The following NCF2 variants were observed in gnomAD, a reference collection of about 807,000 sequenced individuals.
NCF2 encodes neutrophil cytosolic factor 2, also known as neutrophil cytosol factor 2.
In NCF2, 45 loss-of-function variants were observed where a neutral mutation model predicts 70.9. That is an observed-to-expected ratio of 0.63 (90% CI 0.50 to 0.81). The LOEUF (loss-of-function observed/expected upper bound fraction) is 0.81, where lower values mean the gene tolerates loss of function less well. NCF2 is among the 40% of genes least tolerant of loss of function. The probability of loss-of-function intolerance (pLI) is 0.00; values close to 1 mark genes in which losing one functional copy is unlikely to be tolerated. For synonymous variants in NCF2, 203 were observed against 233.6 expected, an observed-to-expected ratio of 0.87 and a Z score of 1.19; for missense variants, 522 against 631.6, an observed-to-expected ratio of 0.83 and a Z score of 1.86.
rs568954675 is a variant in NCF2, at chr1:183,585,822, C to T, written c.257+1073G>A. ...GAGAGGGAGGAGGAATTGAGATTAA[C>T]TTTCATTTTGAATTTATTAATCTTT... On this transcript the variant is annotated intron_variant, in intron 2 of 14. Transcript: ENST00000367535. Among the ~76,000 whole-genome samples the T allele has an allele frequency of 7.9e-5, 12 of 152,248 alleles. No homozygotes were observed. In the South Asian group the frequency reaches 2.5e-3, roughly 32 times the overall value.
At position 183,563,180 on chromosome 1, in the gene NCF2, C is replaced by T. The variant is rs1451404544; in HGVS notation, c.1290+15G>A. 5 of 1,610,482 alleles carry T rather than the reference C, an allele frequency of 3.1e-6. No homozygotes were observed. The Admixed American group carries it at 8.3e-5, about 27-fold the overall frequency. ...CAGTGGAAATGTAACTTTAGATGCC[C>T]CTCATTGCACTCACCACTGTGTTCT... On this transcript the variant is annotated intron_variant, in intron 13 of 14. Transcript: ENST00000367535.
At chr1:183,600,078 T>A in the NCF2 span, among the ~76,000 whole-genome samples, 3 of 152,192 alleles carry the variant, frequency 2.0e-5, no homozygotes, top group Non-Finnish European at 2.9e-5. Context: ...AGAGAGAGTA[T>A]CAACATGTAC....
Position 183,561,188 on chromosome 1 carries a change from C to T in NCF2, c.1291-915G>A, listed in dbSNP as rs571709075. ...GCTTCACAAATGAAGGAGAAGGATGCGGTTTCTACAGATGTGAATCATAGA... is the reference window on the plus strand; with the variant it reads ...GCTTCACAAATGAAGGAGAAGGATGTGGTTTCTACAGATGTGAATCATAGA... On this transcript the variant is annotated intron_variant, in intron 13 of 14. Coordinates refer to ENST00000367535, the MANE Select transcript of NCF2 (RefSeq NM_000433.4). Among the ~76,000 whole-genome samples the T allele has an allele frequency of 3.9e-5, 6 of 152,312 alleles. No individual in the cohort carries two copies. The East Asian group carries it at 5.8e-4, about 15-fold the overall frequency.
chr1:183,595,581 G>A (rs186915491), upstream of NCF2, among the ~76,000 whole-genome samples: 91 of 152,232 alleles, frequency 6.0e-4, no homozygotes, highest in Admixed American at 1.1e-3. Context: ...AGACTTGACG[G>A]CATCTGCTGC....
chr1:183,563,115 G>A, intron 13 of NCF2, 80 bp downstream of exon 13: 1 of 1,277,990 alleles, frequency 7.8e-7, no homozygotes, highest in African/African-American at 1.5e-5. Context: ...CTAGTACACA[G>A]AAGGTGCTTG....
Position 183,555,744 on chromosome 1 carries a change from GAC to G in NCF2, c.*372_*373del, listed in dbSNP as rs202202602. On this transcript the variant is annotated 3_prime_UTR_variant, in exon 15 of 15. Coordinates refer to ENST00000367535, the MANE Select transcript of NCF2 (RefSeq NM_000433.4). Reference sequence around the variant, plus strand: ...GCTAGGTTTTTTTTTATTGTGGTATGACACAGAAAAGTGCACCAAATGTACAG... The same window carrying G: ...GCTAGGTTTTTTTTTATTGTGGTATGACAGAAAAGTGCACCAAATGTACAG... 4.3e-6 allele frequency: 1 copy of G among 233,044 alleles called. No individual in the cohort carries two copies. Among genetic ancestry groups the G allele is most frequent in the East Asian group, 9.8e-5 (1 of 10,174 alleles). 14.4% of individuals were successfully genotyped at this position (233,044 alleles called of 1,614,324 possible).
At chr1:183,600,898 T>C in the NCF2 span, among the ~76,000 whole-genome samples, 1 of 152,204 alleles carries the variant, frequency 6.6e-6, no homozygotes, top group Non-Finnish European at 1.5e-5. Flanking sequence ...ACTGACCGCA[T>C]CAGAGCTGTG....
At chr1:183,583,330 A>G (rs1265352133) in intron 2 of NCF2, among the ~76,000 whole-genome samples, 1 of 152,188 alleles carries the variant, frequency 6.6e-6, no homozygotes, top group African/African-American at 2.4e-5. Context: ...CTGGGATTAC[A>G]GGTGTGAGCC....
chr1:183,568,862 C>T (rs1672422339), intron 7 of NCF2, among the ~76,000 whole-genome samples: 1 of 152,014 alleles, frequency 6.6e-6, no homozygotes, highest in Non-Finnish European at 1.5e-5. Flanking sequence ...GGACAGAGGG[C>T]CAATGGGACA....
chr1:183,581,672 G>A (rs945337750), intron 2 of NCF2, among the ~76,000 whole-genome samples: 13 of 133,834 alleles, frequency 9.7e-5, no homozygotes, highest in African/African-American at 3.7e-4. Flanking sequence ...TCCTTGCTAA[G>A]TGTTTTTTTT....
intron 5 of NCF2, 95 bp downstream of exon 5, chr1:183,573,090 C>G: frequency 1.7e-6 from 2 of 1,150,842 alleles, no homozygotes; most frequent in Non-Finnish European, 2.6e-6. Context: ...GACAGAGCCA[C>G]AAGGAGGCTA....
intron 4 of NCF2, among the ~76,000 whole-genome samples, 171 bp downstream of exon 4, chr1:183,574,316 G>C (rs1672700578): frequency 6.6e-6 from 1 of 152,164 alleles, no homozygotes. Context: ...CTAGGCCTCA[G>C]CTTCTCAGCA....
At chr1:183,589,530 A>G (rs764497575) in intron 1 of NCF2, among the ~76,000 whole-genome samples, 8 of 152,194 alleles carry the variant, frequency 5.3e-5, no homozygotes, top group African/African-American at 1.9e-4. Flanking sequence ...ACTCCATACT[A>G]TGGTATTTGA....
rs2102882099 is a variant in NCF2, at chr1:183,563,185, T to C, written c.1290+10A>G. 1 of 1,612,742 alleles carries C rather than the reference T, an allele frequency of 6.2e-7. No individual in the cohort carries two copies. Among genetic ancestry groups the C allele is most frequent in the Non-Finnish European group, 8.5e-7 (1 of 1,178,734 alleles). On this transcript the variant is annotated intron_variant, in intron 13 of 14. Coordinates refer to ENST00000367535, the MANE Select transcript of NCF2 (RefSeq NM_000433.4). ...GAAATGTAACTTTAGATGCCCCTCA[T>C]TGCACTCACCACTGTGTTCTCACAC...
chr1:183,577,164 A>G (rs1672834376), intron 3 of NCF2, among the ~76,000 whole-genome samples: 1 of 152,170 alleles, frequency 6.6e-6, no homozygotes, highest in Admixed American at 6.5e-5. Context: ...AAACTTGGGA[A>G]CTGAGCAAGC....
upstream of NCF2, among the ~76,000 whole-genome samples, chr1:183,595,603 G>T (rs962920761): frequency 6.6e-6 from 1 of 152,082 alleles, no homozygotes; most frequent in Non-Finnish European, 1.5e-5. Context: ...AAGCTCCCTT[G>T]GTTTGTTGGT....
Position 183,567,905 on chromosome 1 carries a change from G to A in NCF2, c.714-560C>T, listed in dbSNP as rs3768584. On this transcript the variant is annotated intron_variant, in intron 7 of 14. Transcript: ENST00000367535. ...GCCCAGCTGCCGTGGTGCAGTGTCG[G>A]TTCCCTTAAGTCTGACTTCATGCTT... 8.7e-4 allele frequency among the ~76,000 whole-genome samples: 133 copies of A among 152,230 alleles called. 2 individuals are homozygous for A. The East Asian group carries it at 0.019, about 21-fold the overall frequency.
chr1:183,579,761 AAAAG>A (rs1354659178), intron 2 of NCF2, among the ~76,000 whole-genome samples: 230 of 150,050 alleles, frequency 1.5e-3, no homozygotes, highest in African/African-American at 5.3e-3. Context: ...AAAAAAAAAA[AAAAG>A]AGAATAATAA....
At chr1:183,570,641 C>T in intron 6 of NCF2, 139 bp downstream of exon 6, 1 of 830,702 alleles carries the variant, frequency 1.2e-6, no homozygotes, top group South Asian at 1.4e-5. Flanking sequence ...AGAGGGCAGG[C>T]AGATCCCTCA....
Sources: allele counts gnomAD v4.1 joint callset (sites outside exome capture counted in the v4.1 genomes callset), GRCh38; gene constraint gnomAD v4.1.1; transcripts MANE v1.5; gene names NCBI Gene and HGNC (gene_info 2026-07-23, HGNC 2026-07-21).